Variants in DPF3 observed in about 807,000 individuals in gnomAD.
The protein encoded by DPF3 is zinc finger protein DPF3.
In DPF3, 18 loss-of-function variants were observed where a neutral mutation model predicts 56.8. That is an observed-to-expected ratio of 0.32 (90% confidence interval 0.22 to 0.47). The LOEUF (loss-of-function observed/expected upper bound fraction) is 0.47. Ranked by LOEUF, DPF3 falls within the 20% of genes least tolerant of loss-of-function variation. DPF3 has a pLI of 1.00. For synonymous variants in DPF3, 188 were observed against 180.2 expected (o/e 1.04, Z -0.35); for missense variants, 403 against 488.8 (o/e 0.82, Z 1.65).
At chr14:72,769,420 G>A (rs536233877) in intron 2 of DPF3, among the ~76,000 whole-genome samples, 8 of 152,284 alleles carry the variant, frequency 5.3e-5, no homozygotes, top group South Asian at 2.1e-4. Context: ...GGTGGCTTAC[G>A]CCTGTAATCC....
At chr14:72,855,000 T>C (rs1885122476) in intron 1 of DPF3, among the ~76,000 whole-genome samples, 2 of 152,166 alleles carry the variant, frequency 1.3e-5, no homozygotes. Flanking sequence ...TTAATATTAA[T>C]AAGACTTGTG....
intron 2 of DPF3, among the ~76,000 whole-genome samples, chr14:72,759,585 G>A (rs1007565331): frequency 4.8e-4 from 30 of 62,520 alleles, no homozygotes; most frequent in Admixed American, 5.1e-4. Flanking sequence ...GGGAAGAAAG[G>A]GAAGGAAGGA....
Position 72,731,799 on chromosome 14 carries a change from G to A in DPF3, c.429+8C>T, listed in dbSNP as rs755083592. ...ACTCTGTGGGGTCCCCAGCAGGTGT[G>A]GGAATACCTGTATTTCCTGGATGCT... On this transcript the variant is annotated splice_region_variant and intron_variant, in intron 4 of 10. Coordinates refer to ENST00000556509, the MANE Select transcript of DPF3 (RefSeq NM_001280542.3). 1.7e-5 allele frequency: 28 copies of A among 1,613,134 alleles called. No homozygotes were observed. The highest frequency in any genetic ancestry group is 3.3e-5 in the South Asian group (3 of 90,818).
intron 9 of DPF3, among the ~76,000 whole-genome samples, chr14:72,628,644 G>C (rs1348090614): frequency 6.6e-6 from 1 of 152,066 alleles, no homozygotes. Flanking sequence ...AAAAGAGAGA[G>C]AGAGAGAGAG....
At chr14:72,622,760 C>A (rs1398796792) in intron 9 of DPF3, among the ~76,000 whole-genome samples, 5 of 152,006 alleles carry the variant, frequency 3.3e-5, no homozygotes, top group Non-Finnish European at 7.4e-5. Context: ...TCACCTATTA[C>A]TACAGTTCCA....
At chr14:72,639,844 C>T (rs1455040701) in intron 8 of DPF3, among the ~76,000 whole-genome samples, 2 of 151,856 alleles carry the variant, frequency 1.3e-5, no homozygotes, top group Non-Finnish European at 2.9e-5. Flanking sequence ...GGAGTAATTT[C>T]TTACACAGAT....
intron 2 of DPF3, among the ~76,000 whole-genome samples, chr14:72,756,380 T>C (rs1890788527): frequency 6.6e-6 from 1 of 152,212 alleles, no homozygotes; most frequent in Non-Finnish European, 1.5e-5. Flanking sequence ...GATGCCTTTA[T>C]GGTTAGCAGA....
At chr14:72,763,288 T>C (rs1240890261) in intron 2 of DPF3, among the ~76,000 whole-genome samples, 2 of 152,122 alleles carry the variant, frequency 1.3e-5, no homozygotes, top group Admixed American at 1.3e-4. Context: ...AGACCTAGAA[T>C]AATCAAAATA....
intron 2 of DPF3, among the ~76,000 whole-genome samples, chr14:72,769,579 C>G (rs1463711973): frequency 6.7e-6 from 1 of 150,362 alleles, no homozygotes; most frequent in Non-Finnish European, 1.5e-5. Context: ...ACTCGGGAGG[C>G]TGAGGCAGGA....
In DPF3 at chr14:72,617,747, G is replaced by A. The variant is rs1285656192; in HGVS notation, c.*1550C>T. On this transcript the variant is annotated 3_prime_UTR_variant, in exon 11 of 11. Transcript: ENST00000556509. ...GAGGGACAGCACAAATACTGCGGCCGGGCAGAGGTGGCCCAACTAGCCCGA... is the reference window on the plus strand; with the variant it reads ...GAGGGACAGCACAAATACTGCGGCCAGGCAGAGGTGGCCCAACTAGCCCGA... Among the ~76,000 whole-genome samples the A allele has an allele frequency of 6.6e-6, 1 of 152,132 alleles. No individual in the cohort carries two copies. Among genetic ancestry groups the A allele is most frequent in the Admixed American group, 6.5e-5 (1 of 15,280 alleles).
intron 1 of DPF3, among the ~76,000 whole-genome samples, chr14:72,827,765 C>T (rs184198755): frequency 6.6e-6 from 1 of 152,124 alleles, no homozygotes; most frequent in Non-Finnish European, 1.5e-5. Flanking sequence ...CAGGTGTGAG[C>T]CACTGCGCCT....
chr14:72,667,924 G>T (rs1886507469), intron 8 of DPF3, among the ~76,000 whole-genome samples: 1 of 152,136 alleles, frequency 6.6e-6, no homozygotes, highest in Admixed American at 6.5e-5. Context: ...CTACAATCAG[G>T]TTGCCAGGGA....
intron 3 of DPF3, among the ~76,000 whole-genome samples, chr14:72,734,929 T>C (rs1889827056): frequency 6.6e-6 from 1 of 152,208 alleles, no homozygotes; most frequent in Admixed American, 6.5e-5. Context: ...TTAGCAGCTG[T>C]TACTGCTACG....
intron 1 of DPF3, among the ~76,000 whole-genome samples, chr14:72,884,971 T>TATATATACA (rs10523148): frequency 9.0e-6 from 1 of 111,686 alleles, no homozygotes; most frequent in Non-Finnish European, 1.9e-5. Context: ...TATATATATA[T>TATATATACA]TAGCCGGGCG....
At chr14:72,729,077 G>A (rs537663256) in intron 4 of DPF3, among the ~76,000 whole-genome samples, 14 of 151,938 alleles carry the variant, frequency 9.2e-5, no homozygotes, top group South Asian at 8.4e-4. Flanking sequence ...GTGAATCCGC[G>A]TCTCTACTAA....
intron 3 of DPF3, chr14:72,742,673 A>G (rs1377878072): frequency 6.6e-6 from 1 of 152,378 alleles, no homozygotes; most frequent in African/African-American, 2.4e-5. Flanking sequence ...GAGAAGAGAA[A>G]TCGCACCGAA....
intron 1 of DPF3, among the ~76,000 whole-genome samples, chr14:72,877,315 G>A (rs944105665): frequency 6.6e-6 from 1 of 152,206 alleles, no homozygotes; most frequent in Non-Finnish European, 1.5e-5. Flanking sequence ...GAGAGAGGTG[G>A]AGATGCTGTG....
At chr14:72,638,728 C>T (rs1193963859) in intron 8 of DPF3, among the ~76,000 whole-genome samples, 1 of 152,122 alleles carries the variant, frequency 6.6e-6, no homozygotes. Context: ...CTTTCCTATC[C>T]TTTTCTACGT....
At chr14:72,706,228 G>A (rs1430591212) in intron 6 of DPF3, among the ~76,000 whole-genome samples, 1 of 152,060 alleles carries the variant, frequency 6.6e-6, no homozygotes, top group East Asian at 1.9e-4. Flanking sequence ...CCACCCCTGG[G>A]GGCCAATATC....
Sources: gnomAD v4.1 joint callset for allele counts (sites outside exome capture counted in the v4.1 genomes callset) on GRCh38, gnomAD v4.1.1 for gene constraint, MANE v1.5 for transcripts, NCBI Gene and HGNC (gene_info 2026-07-23, HGNC 2026-07-21) for gene names.